GMDS: variants seen among roughly 807,000 people sequenced by gnomAD.
The protein encoded by GMDS is GDP-mannose 4,6-dehydratase, also known as GDP-mannose 4,6 dehydratase.
A neutral mutation model predicts 49.9 loss-of-function variants in GMDS; 20 were observed. The observed-to-expected ratio is 0.40, with a 90% CI of 0.28 to 0.58. The LOEUF is 0.58. GMDS is among the 20% of genes least tolerant of loss of function. The pLI, the probability that GMDS is intolerant of heterozygous loss-of-function variation, is 0.42. For synonymous variants in GMDS, 177 were observed against 178.6 expected (o/e 0.99, Z 0.07); for missense variants, 362 against 481.4 (o/e 0.75, Z 2.32).
intron 4 of GMDS, among the ~76,000 whole-genome samples, chr6:2,049,723 A>G (rs1346963264): frequency 6.6e-6 from 1 of 152,122 alleles, no homozygotes; most frequent in Non-Finnish European, 1.5e-5. Flanking sequence ...GGTTAGAGCG[A>G]TGCCTCAAAA....
chr6:1,640,891 G>A lies in GMDS; in HGVS notation c.988-16351C>T, dbSNP rs75896717. 7.6e-3 allele frequency among the ~76,000 whole-genome samples: 1,153 copies of A among 152,310 alleles called. 17 individuals are homozygous for A. The highest frequency in any genetic ancestry group is 0.026 in the African/African-American group (1,086 of 41,568). ...GACAGTGGGGGCTGCCCTGGGTAAA[G>A]CTTGAGGTGGAGGGAGCAGGCTGGG... is the stretch of plus-strand genomic sequence containing the variant. On this transcript the variant is annotated intron_variant, in intron 9 of 10. Coordinates refer to ENST00000380815, the MANE Select transcript of GMDS (RefSeq NM_001500.4). The surrounding 1 kb of genome is among the most constrained non-coding windows in gnomAD (Gnocchi z 4.0).
At chr6:2,189,892 G>C (rs1332377884) in intron 1 of GMDS, among the ~76,000 whole-genome samples, 1 of 147,406 alleles carries the variant, frequency 6.8e-6, no homozygotes, top group Admixed American at 6.9e-5. Flanking sequence ...ATGACTCCAG[G>C]ACTACTGGGT....
intron 7 of GMDS, among the ~76,000 whole-genome samples, chr6:1,825,216 T>C (rs1315328422): frequency 6.6e-6 from 1 of 152,218 alleles, no homozygotes; most frequent in East Asian, 1.9e-4. Context: ...AGATCGCTGA[T>C]GACGTTTAAC....
chr6:2,103,785 T>C (rs940942541), intron 4 of GMDS, among the ~76,000 whole-genome samples: 1 of 152,240 alleles, frequency 6.6e-6, no homozygotes, highest in African/African-American at 2.4e-5. Flanking sequence ...ACATATTAAA[T>C]ATTAATTATA....
intron 9 of GMDS, among the ~76,000 whole-genome samples, chr6:1,689,462 G>C (rs1176324918): frequency 6.6e-6 from 1 of 152,184 alleles, no homozygotes; most frequent in Non-Finnish European, 1.5e-5. Flanking sequence ...TGAATAACAA[G>C]CAGTGTGGAA....
At chr6:1,763,896 C>A (rs1190843235) in intron 7 of GMDS, among the ~76,000 whole-genome samples, 1 of 152,138 alleles carries the variant, frequency 6.6e-6, no homozygotes, top group African/African-American at 2.4e-5. Context: ...AGGTGGAGGG[C>A]TCCCTTGGAG....
At chr6:2,120,774 G>C (rs541921031) in intron 2 of GMDS, among the ~76,000 whole-genome samples, 1 of 152,086 alleles carries the variant, frequency 6.6e-6, no homozygotes, top group Non-Finnish European at 1.5e-5. Context: ...TCAATCCTCC[G>C]TTTTCCCTTA....
intron 7 of GMDS, among the ~76,000 whole-genome samples, chr6:1,877,642 AT>A (rs1323964215): frequency 0.021 from 2,650 of 127,038 alleles, 49 homozygotes; most frequent in East Asian, 0.12. Context: ...CATCTCAAAA[AT>A]TAAAAAAAAA....
intron 7 of GMDS, among the ~76,000 whole-genome samples, chr6:1,754,455 G>A (rs1420957832): frequency 2.0e-5 from 3 of 152,178 alleles, no homozygotes; most frequent in Non-Finnish European, 4.4e-5. Context: ...GAGGTACAAA[G>A]AGGAGCTGGT....
chr6:2,060,414 T>A (rs1354790084), intron 4 of GMDS, among the ~76,000 whole-genome samples: 2 of 152,198 alleles, frequency 1.3e-5, no homozygotes, highest in African/African-American at 4.8e-5. Flanking sequence ...TGAAGCTAGC[T>A]TTGAAGTGCT....
chr6:1,799,292 T>C (rs781442014), intron 7 of GMDS, among the ~76,000 whole-genome samples: 2 of 152,152 alleles, frequency 1.3e-5, no homozygotes, highest in Non-Finnish European at 2.9e-5. Context: ...AAACAGTCTC[T>C]TTAAAACATC....
chr6:1,737,512 CACACACACAGAGAT>C (rs1767041051), intron 8 of GMDS, among the ~76,000 whole-genome samples: 1 of 151,622 alleles, frequency 6.6e-6, no homozygotes, highest in Non-Finnish European at 1.5e-5. Context: ...CACACACACA[CACACACACAGAGAT>C]ACACACACAT....
chr6:1,882,464 GA>G (rs1759408181), intron 7 of GMDS, among the ~76,000 whole-genome samples: 1 of 152,188 alleles, frequency 6.6e-6, no homozygotes, highest in South Asian at 2.1e-4. Context: ...AGTGTAATGA[GA>G]GGTGCTCTTA....
At chr6:1,785,865 C>A (rs955375498) in intron 7 of GMDS, among the ~76,000 whole-genome samples, 2 of 152,178 alleles carry the variant, frequency 1.3e-5, no homozygotes, top group African/African-American at 4.8e-5. Flanking sequence ...CATTCAGCAC[C>A]CTCTTACTCC....
In GMDS at chr6:2,066,243, G is replaced by A. The variant is rs1771582129; in HGVS notation, c.345+49528C>T. Reference sequence around the variant, plus strand: ...CTGAGATTTTGTCACCACCAGGCCTGCCCTAAAAGAGCTCCTGAAGAAAGC... The same window carrying A: ...CTGAGATTTTGTCACCACCAGGCCTACCCTAAAAGAGCTCCTGAAGAAAGC... On this transcript the variant is annotated intron_variant, in intron 4 of 10. Transcript: ENST00000380815. 2.0e-5 allele frequency among the ~76,000 whole-genome samples: 3 copies of A among 150,128 alleles called. No individual in the cohort carries two copies. In the South Asian group the frequency reaches 6.4e-4, roughly 32 times the overall value.
chr6:1,915,062 G>A (rs1761303840), intron 7 of GMDS, among the ~76,000 whole-genome samples: 1 of 152,186 alleles, frequency 6.6e-6, no homozygotes, highest in Non-Finnish European at 1.5e-5. Flanking sequence ...CAGCACGGAG[G>A]CCTCGCATGC....
rs539118187 is a variant in GMDS, at chr6:1,734,891, A to G, written c.890+7577T>C. On this transcript the variant is annotated intron_variant, in intron 8 of 10. Coordinates refer to ENST00000380815, the MANE Select transcript of GMDS (RefSeq NM_001500.4). Reference sequence around the variant, plus strand: ...ATAATGGTAACAAGAAGACAAGACCAGAGATGGCTCTCCTCGGCTGTGAAA... The same window carrying G: ...ATAATGGTAACAAGAAGACAAGACCGGAGATGGCTCTCCTCGGCTGTGAAA... Among the ~76,000 whole-genome samples the G allele has an allele frequency of 3.9e-5, 6 of 152,314 alleles. No homozygotes were observed. In the East Asian group the frequency reaches 1.2e-3, roughly 29 times the overall value.
intron 4 of GMDS, among the ~76,000 whole-genome samples, chr6:2,039,583 A>G (rs574115728): frequency 6.6e-6 from 1 of 151,954 alleles, no homozygotes; most frequent in Admixed American, 6.6e-5. Context: ...TCTAATTTTT[A>G]TGAACTTTTT....
chr6:1,980,566 C>T (rs1765167564), intron 4 of GMDS, among the ~76,000 whole-genome samples: 1 of 152,046 alleles, frequency 6.6e-6, no homozygotes, highest in Admixed American at 6.6e-5. Flanking sequence ...TCTTAGAGAC[C>T]TTCAAAAAAA....
Sources: allele counts gnomAD v4.1 joint callset (sites outside exome capture counted in the v4.1 genomes callset), GRCh38; gene constraint gnomAD v4.1.1; non-coding constraint Gnocchi (gnomAD v3.1); transcripts MANE v1.5; gene names NCBI Gene and HGNC (gene_info 2026-07-23, HGNC 2026-07-21).